IQSEC1: variants seen among roughly 807,000 people sequenced by gnomAD.
IQSEC1 encodes IQ motif and SEC7 domain-containing protein 1.
Under a neutral mutation model 91.0 loss-of-function variants are expected in IQSEC1, and 31 were observed. The observed-to-expected ratio is 0.34, with a 90% CI of 0.26 to 0.46. The LOEUF (loss-of-function observed/expected upper bound fraction) is 0.46. Among genes scored for constraint, IQSEC1 ranks in the 20% least tolerant of loss-of-function variants. The probability of loss-of-function intolerance (pLI) is 1.00; values close to 1 mark genes in which losing one functional copy is unlikely to be tolerated. For missense variants in IQSEC1, 1,388 were observed against 1,575.6 expected, an observed-to-expected ratio of 0.88 and a Z score of 2.02; for synonymous variants, 699 against 662.6, an observed-to-expected ratio of 1.05 and a Z score of -0.84.
Position 12,994,455 on chromosome 3 carries a change from G to T in IQSEC1, c.24-52590C>A, listed in dbSNP as rs989179372. On this transcript the variant is annotated intron_variant, in intron 1 of 13. Coordinates refer to ENST00000613206, the MANE Select transcript of IQSEC1 (RefSeq NM_001134382.3). The surrounding 1 kb of genome is among the most constrained non-coding windows in gnomAD (Gnocchi z 4.5). ...TCGGTGCAGCCGCTGCAGCGGATGGGTCAGGAGAGCGGGGTACGCGGGGTC... is the reference window on the plus strand; with the variant it reads ...TCGGTGCAGCCGCTGCAGCGGATGGTTCAGGAGAGCGGGGTACGCGGGGTC... 4.6e-5 allele frequency among the ~76,000 whole-genome samples: 7 copies of T among 152,112 alleles called. No homozygotes were observed. The highest frequency in any genetic ancestry group is 7.4e-5 in the Non-Finnish European group (5 of 68,000).
At chr3:12,905,364 A>C (rs563667622) in intron 12 of IQSEC1, among the ~76,000 whole-genome samples, 8 of 152,350 alleles carry the variant, frequency 5.3e-5, no homozygotes, top group Admixed American at 5.2e-4. Flanking sequence ...TGTGACCCTC[A>C]ACAATGCTGT....
At chr3:13,153,819 G>A (rs1707038739) in intron 2 of IQSEC1, among the ~76,000 whole-genome samples, 1 of 152,218 alleles carries the variant, frequency 6.6e-6, no homozygotes. Context: ...ATCTGTGTCT[G>A]AGCCATCTCC....
chr3:13,111,420 C>T (rs750402498), intron 2 of IQSEC1, among the ~76,000 whole-genome samples: 10 of 152,192 alleles, frequency 6.6e-5, no homozygotes, highest in Non-Finnish European at 1.2e-4. Flanking sequence ...GGCTGCAGCT[C>T]GCTGGCCAGG....
Position 12,924,448 on chromosome 3 carries a change from A to G in IQSEC1, c.1730+133T>C. 1 of 887,092 alleles carries G rather than the reference A, an allele frequency of 1.1e-6. No homozygotes were observed. The highest frequency in any genetic ancestry group is 1.7e-6 in the Non-Finnish European group (1 of 598,838). The allele number at this position is 887,092 out of a possible 1,614,324, so 55.0% of individuals were successfully genotyped here. ...GCATGTGTGTGTCTAGGACTTAGGA[A>G]GAGAGAAAGGGGGGCCCACCACATG... On this transcript the variant is annotated intron_variant, in intron 4 of 13. Transcript: ENST00000613206. The surrounding 1 kb of genome is among the most constrained non-coding windows in gnomAD (Gnocchi z 6.3).
chr3:12,901,981 A>G (rs1032291696), intron 13 of IQSEC1, among the ~76,000 whole-genome samples: 5 of 150,306 alleles, frequency 3.3e-5, no homozygotes, highest in South Asian at 4.2e-4. Flanking sequence ...AACTGGGCTG[A>G]GGGCATGTGC....
intron 2 of IQSEC1, among the ~76,000 whole-genome samples, chr3:12,939,832 T>C (rs1698588164): frequency 6.6e-6 from 1 of 152,150 alleles, no homozygotes; most frequent in Non-Finnish European, 1.5e-5. Context: ...ATGTTTAGAA[T>C]CCCTAGAGTT....
chr3:13,221,643 G>A (rs1694662517), intron 1 of IQSEC1, among the ~76,000 whole-genome samples: 1 of 152,208 alleles, frequency 6.6e-6, no homozygotes, highest in Non-Finnish European at 1.5e-5. Flanking sequence ...ACAGACGCCT[G>A]GAGCCCACGG....
rs972479049 is a variant in IQSEC1, at chr3:13,122,422, T to C, written c.302+41682A>G. 4.0e-5 allele frequency among the ~76,000 whole-genome samples: 6 copies of C among 151,768 alleles called. No individual in the cohort carries two copies. The South Asian group carries it at 1.2e-3, about 32-fold the overall frequency. The stretch of plus-strand genomic sequence containing the variant: ...GAAGGTGCTGAGCACAAGAGGGGCA[T>C]GGACGCAGTTGGGTTTTATTAGGTC... On this transcript the variant is annotated intron_variant, in intron 2 of 15. Transcript: ENST00000648114.
intron 1 of IQSEC1, among the ~76,000 whole-genome samples, chr3:13,042,712 TG>T (rs1000158714): frequency 1.3e-5 from 2 of 152,098 alleles, no homozygotes; most frequent in African/African-American, 4.8e-5. Flanking sequence ...TCCATCATCC[TG>T]GGGGGTCTGG....
intron 1 of IQSEC1, among the ~76,000 whole-genome samples, chr3:12,943,964 C>T (rs1576000808): frequency 6.6e-6 from 1 of 152,222 alleles, no homozygotes; most frequent in African/African-American, 2.4e-5. Context: ...CCACCCCACT[C>T]CCCAGGAGCT....
intron 1 of IQSEC1, among the ~76,000 whole-genome samples, chr3:13,247,631 C>A (rs1216629808): frequency 1.3e-5 from 2 of 152,214 alleles, no homozygotes; most frequent in African/African-American, 4.8e-5. Flanking sequence ...CAGTTAGGGG[C>A]ATCAGAATCA....
intron 1 of IQSEC1, among the ~76,000 whole-genome samples, chr3:13,182,780 G>A (rs1338462310): frequency 6.6e-6 from 1 of 152,220 alleles, no homozygotes; most frequent in African/African-American, 2.4e-5. Flanking sequence ...TATGTGAGCT[G>A]CAGCTAAAGC....
intron 1 of IQSEC1, among the ~76,000 whole-genome samples, chr3:12,981,120 A>T (rs1458209179): frequency 6.6e-6 from 1 of 152,192 alleles, no homozygotes; most frequent in African/African-American, 2.4e-5. Context: ...CAAGGGCAGC[A>T]GAGGGGTGAG....
rs968394306 is a variant in IQSEC1, at chr3:13,207,367, C to T, written c.273-43234G>A. Among the ~76,000 whole-genome samples, 11 of 152,138 alleles carry T rather than the reference C, an allele frequency of 7.2e-5. No individual in the cohort carries two copies. The highest frequency in any genetic ancestry group is 1.5e-4 in the Non-Finnish European group (10 of 68,024). On this transcript the variant is annotated intron_variant, in intron 1 of 15. Transcript: ENST00000648114. This position sits in a 1 kb window ranked among gnomAD's most constrained non-coding sequence, Gnocchi z 4.8. ...CAATCTGCCTACTTCTCCCCCTCCA[C>T]GGCCACCTCCCTGACCCAAGCCCCG...
intron 1 of IQSEC1, among the ~76,000 whole-genome samples, chr3:13,190,941 C>T (rs971989235): frequency 7.2e-5 from 11 of 152,224 alleles, no homozygotes; most frequent in Admixed American, 3.3e-4. Flanking sequence ...CCCTTCTCTA[C>T]TGTACCCTAG....
intron 2 of IQSEC1, among the ~76,000 whole-genome samples, chr3:13,105,949 C>T (rs1559256168): frequency 6.6e-6 from 1 of 152,204 alleles, no homozygotes; most frequent in African/African-American, 2.4e-5. Flanking sequence ...AGATTTCAGG[C>T]GAAACGCTGG....
chr3:13,248,989 G>A (rs1336850081), intron 1 of IQSEC1, among the ~76,000 whole-genome samples: 3 of 152,118 alleles, frequency 2.0e-5, no homozygotes, highest in Non-Finnish European at 4.4e-5. Context: ...GCCCCAGTCC[G>A]TGCTCCTGAC....
At chr3:12,993,068 A>G (rs898055580) in intron 1 of IQSEC1, among the ~76,000 whole-genome samples, 6 of 152,094 alleles carry the variant, frequency 3.9e-5, no homozygotes, top group African/African-American at 1.4e-4. Context: ...GTTTCCAACA[A>G]CAGCCCCCAT....
chr3:13,220,750 G>C (rs575942853), intron 1 of IQSEC1, among the ~76,000 whole-genome samples: 1 of 152,332 alleles, frequency 6.6e-6, no homozygotes, highest in Admixed American at 6.5e-5. Context: ...CCCCAAGTGT[G>C]AAGGGCGATG....
Sources: gnomAD v4.1 joint callset for allele counts (sites outside exome capture counted in the v4.1 genomes callset) on GRCh38, gnomAD v4.1.1 for gene constraint, Gnocchi (gnomAD v3.1) non-coding constraint, MANE v1.5 for transcripts, NCBI Gene and HGNC (gene_info 2026-07-23, HGNC 2026-07-21) for gene names.